The following SPTLC3 variants were observed in gnomAD, a reference collection of about 807,000 sequenced individuals.
SPTLC3 encodes the protein serine palmitoyltransferase 3.
Under a neutral mutation model 59.3 loss-of-function variants are expected in SPTLC3, and 36 were observed. That is an observed-to-expected ratio of 0.61 (90% CI 0.47 to 0.80). SPTLC3 has a LOEUF of 0.80. Ranked by LOEUF, SPTLC3 falls within the 30% of genes least tolerant of loss-of-function variation. The probability of loss-of-function intolerance (pLI) is 0.00; values close to 1 mark genes in which losing one functional copy is unlikely to be tolerated. For missense variants in SPTLC3, 625 were observed against 685.1 expected (o/e 0.91, Z 0.98); for synonymous variants, 257 against 240.8 (o/e 1.07, Z -0.62).
intron 1 of SPTLC3, among the ~76,000 whole-genome samples, chr20:13,018,495 C>A (rs1985668155): frequency 6.6e-6 from 1 of 152,186 alleles, no homozygotes; most frequent in African/African-American, 2.4e-5. Flanking sequence ...TGCAAAAGCA[C>A]ACCCATTTGA....
chr20:13,159,022 T>C (rs902904553), intron 10 of SPTLC3, among the ~76,000 whole-genome samples: 5 of 152,206 alleles, frequency 3.3e-5, no homozygotes, highest in African/African-American at 1.2e-4. Context: ...GTAGTTAAGT[T>C]TTCCTGCAAA....
rs2039002904 is a variant in SPTLC3 at position 13,167,808 on chromosome 20, T to G, written c.*2941T>G. ...CTTTACTGAAACATAATAGTTGTAGTGCCCAGGAATCTACATTTTTAACCA... is the reference window on the plus strand; with the variant it reads ...CTTTACTGAAACATAATAGTTGTAGGGCCCAGGAATCTACATTTTTAACCA... On this transcript the variant is annotated 3_prime_UTR_variant, in exon 12 of 12. Transcript: ENST00000399002. The G allele has an allele frequency of 6.6e-6, 1 of 152,198 alleles. No individual in the cohort carries two copies. Among genetic ancestry groups the G allele is most frequent in the Non-Finnish European group, 1.5e-5 (1 of 68,030 alleles). The allele number at this position is 152,198 out of a possible 1,614,324, so 9.4% of individuals were successfully genotyped here.
intron 9 of SPTLC3, among the ~76,000 whole-genome samples, chr20:13,148,764 T>C (rs559800827): frequency 6.6e-6 from 1 of 152,240 alleles, no homozygotes; most frequent in South Asian, 2.1e-4. Context: ...TCCCCAGAGA[T>C]CCTGATTTAA....
At chr20:13,028,878 G>C (rs547772998) in intron 1 of SPTLC3, among the ~76,000 whole-genome samples, 1 of 152,262 alleles carries the variant, frequency 6.6e-6, no homozygotes, top group Admixed American at 6.5e-5. Context: ...TGCTGATGAA[G>C]CTATTTGGCT....
intron 9 of SPTLC3, among the ~76,000 whole-genome samples, chr20:13,136,732 G>A (rs2038256172): frequency 6.8e-6 from 1 of 146,748 alleles, no homozygotes; most frequent in African/African-American, 2.5e-5. Context: ...ATAAATAAAA[G>A]TTATATATAT....
At chr20:13,126,039 A>C (rs568393479) in intron 8 of SPTLC3, among the ~76,000 whole-genome samples, 1 of 151,714 alleles carries the variant, frequency 6.6e-6, no homozygotes, top group East Asian at 1.9e-4. Flanking sequence ...TTTCCCCCTT[A>C]ATTATCTTCA....
intron 7 of SPTLC3, among the ~76,000 whole-genome samples, chr20:13,116,014 A>C (rs1990526727): frequency 1.3e-5 from 2 of 152,210 alleles, no homozygotes; most frequent in Admixed American, 6.5e-5. Context: ...ATTAACTCAC[A>C]AACTTACATA....
chr20:13,110,343 T>A, intron 7 of SPTLC3, 126 bp downstream of exon 7: 2 of 733,420 alleles, frequency 2.7e-6, no homozygotes, highest in African/African-American at 1.8e-5. Context: ...CACAGGGACC[T>A]GAGACAGAGC....
intron 4 of SPTLC3, among the ~76,000 whole-genome samples, chr20:13,083,566 T>C (rs1013277586): frequency 2.0e-5 from 3 of 152,218 alleles, no homozygotes; most frequent in African/African-American, 7.2e-5. Flanking sequence ...AACTTACTTT[T>C]ATGAAAGCTC....
intron 6 of SPTLC3, among the ~76,000 whole-genome samples, chr20:13,096,014 T>C (rs576346556): frequency 6.6e-6 from 1 of 152,230 alleles, no homozygotes; most frequent in South Asian, 2.1e-4. Context: ...AGTTACTGTA[T>C]AAAGTGAAAA....
At chr20:13,075,575 TCTTA>T (rs1464010884) in intron 4 of SPTLC3, among the ~76,000 whole-genome samples, 1 of 152,146 alleles carries the variant, frequency 6.6e-6, no homozygotes, top group Non-Finnish European at 1.5e-5. Context: ...AAGAAAAACA[TCTTA>T]CTTATCTTCA....
intron 1 of SPTLC3, among the ~76,000 whole-genome samples, chr20:13,009,875 T>C (rs1390977276): frequency 6.6e-6 from 1 of 152,202 alleles, no homozygotes; most frequent in Non-Finnish European, 1.5e-5. Flanking sequence ...TAGTGGAGCA[T>C]TGTTTTAGCT....
chr20:13,012,373 C>CT (rs1985301822), intron 1 of SPTLC3, among the ~76,000 whole-genome samples: 1 of 151,840 alleles, frequency 6.6e-6, no homozygotes, highest in South Asian at 2.1e-4. Context: ...CAGGTGGTTG[C>CT]TTTTTTTTCA....
chr20:13,075,673 G>T (rs6134771), intron 4 of SPTLC3, among the ~76,000 whole-genome samples: 41,607 of 152,038 alleles, frequency 0.27, 5,860 homozygotes, highest in Middle Eastern at 0.36. Context: ...CTGGGTCACC[G>T]GTGATGCCCC....
chr20:13,049,003 C>T lies in SPTLC3; in HGVS notation c.176C>T (p.Pro59Leu). The T allele has an allele frequency of 1.2e-6, 2 of 1,606,004 alleles. No individual in the cohort carries two copies. The highest frequency in any genetic ancestry group is 1.7e-4 in the Middle Eastern group (1 of 6,002). The change falls in exon 2 of 12, where the codon CCC becomes CTC. Residue 59 changes from proline (P) to leucine (L), a missense_variant. Physicochemically the swap from Pro to Leu is moderately conservative, Grantham distance 98. Transcript: ENST00000399002. ...KLIVESFEEA[P>L]LHVMVFTYMG... ...ATTGTTGAATCGTTTGAGGAAGCAC[C>T]CCTTCATGTTATGGTTTTCACTTAC...
chr20:13,088,592 G>A (rs917300794), intron 4 of SPTLC3, among the ~76,000 whole-genome samples: 31 of 150,546 alleles, frequency 2.1e-4, no homozygotes, highest in African/African-American at 6.6e-4. Context: ...CAAAGTGCTG[G>A]GATTATAGGC....
At chr20:13,074,311 G>T in intron 3 of SPTLC3, 38 bp from the exon 4 acceptor site, 1 of 1,607,980 alleles carries the variant, frequency 6.2e-7, no homozygotes, top group Non-Finnish European at 8.5e-7. Context: ...ATAATCCTGG[G>T]GAGGGGATTA....
At chr20:13,106,972 G>T (rs1417511742) in intron 6 of SPTLC3, among the ~76,000 whole-genome samples, 1 of 152,236 alleles carries the variant, frequency 6.6e-6, no homozygotes, top group Non-Finnish European at 1.5e-5. Context: ...AGTCACAGAA[G>T]AAGGAACTCA....
chr20:13,071,122 T>C (rs1988419544), intron 2 of SPTLC3, among the ~76,000 whole-genome samples: 1 of 152,232 alleles, frequency 6.6e-6, no homozygotes, highest in African/African-American at 2.4e-5. Context: ...TTTCTTCTTG[T>C]TTGCTCCAAG....
Sources: gnomAD v4.1 joint callset for allele counts (sites outside exome capture counted in the v4.1 genomes callset) on GRCh38, gnomAD v4.1.1 for gene constraint, MANE v1.5 for transcripts, NCBI Gene and HGNC (gene_info 2026-07-23, HGNC 2026-07-21) for gene names.